Variants in DMAC2L observed in about 807,000 individuals in gnomAD.
The protein encoded by DMAC2L is distal membrane arm assembly component 2 like.
DMAC2L carries 21 observed loss-of-function variants against 22.5 expected under a neutral mutation model. The observed-to-expected ratio is 0.93, with a 90% confidence interval of 0.66 to 1.34. The LOEUF is 1.34. DMAC2L is among the 40% of genes most tolerant of loss of function. The pLI, the probability that DMAC2L is intolerant of heterozygous loss-of-function variation, is 0.00. For missense variants in DMAC2L, 239 were observed against 246.5 expected (o/e 0.97, Z 0.20); for synonymous variants, 86 against 89.5 (o/e 0.96, Z 0.22).
At chr14:50,319,280 G>T (rs748014591) in intron 2 of DMAC2L, 2 of 1,536,078 alleles carry the variant, frequency 1.3e-6, no homozygotes. Flanking sequence ...GAAGACGGCT[G>T]TAGTGAAAAA....
rs754379535 is a variant in DMAC2L at position 50,319,036 on chromosome 14, A to G, written c.-5-2447A>G. 187 of 985,348 alleles carry G rather than the reference A, an allele frequency of 1.9e-4. 1 individual carries two copies. Among genetic ancestry groups the G allele is most frequent in the Non-Finnish European group, 2.2e-4 (183 of 829,946 alleles). The allele number at this position is 985,348 out of a possible 1,614,324, so 61.0% of individuals were successfully genotyped here. ...TTTTTGAGCGAATGAATGAATGGACATGGCATTTGAGTAAGGTCTTGAGGT... is the reference window on the plus strand; with the variant it reads ...TTTTTGAGCGAATGAATGAATGGACGTGGCATTTGAGTAAGGTCTTGAGGT... On this transcript the variant is annotated intron_variant, in intron 2 of 5. Transcript: ENST00000557421.
At chr14:50,313,010 TAC>T in intron 1 of DMAC2L, 3 of 1,614,206 alleles carry the variant, frequency 1.9e-6, no homozygotes, top group East Asian at 2.2e-5. Context: ...TGAACCGAGA[TAC>T]AGTTTTAAAT....
At chr14:50,319,343 C>A (rs1421029703) in intron 2 of DMAC2L, 2 of 1,535,744 alleles carry the variant, frequency 1.3e-6, no homozygotes, top group Non-Finnish European at 1.7e-6. Flanking sequence ...CACTGTTCCA[C>A]GGCCTCAGCA....
chr14:50,312,183 G>T, upstream of DMAC2L: 1 of 1,606,158 alleles, frequency 6.2e-7, no homozygotes, highest in Non-Finnish European at 8.5e-7. Flanking sequence ...TCAGCGCTCA[G>T]AAGAAGCCAC....
At chr14:50,317,783 AG>A (rs1199028994) in intron 2 of DMAC2L, among the ~76,000 whole-genome samples, 1 of 150,178 alleles carries the variant, frequency 6.7e-6, no homozygotes. Context: ...AAAAAAAAAA[AG>A]GGGGGTGGTG....
chr14:50,312,179 C>G (rs370435252), upstream of DMAC2L: 16 of 1,607,138 alleles, frequency 1.0e-5, no homozygotes, highest in Non-Finnish European at 8.5e-7. Context: ...TCCCTCAGCG[C>G]TCAGAAGAAG....
chr14:50,312,425 C>T (rs2031309662), intron 1 of DMAC2L, 36 bp downstream of exon 1: 1 of 541,756 alleles, frequency 1.8e-6, no homozygotes, highest in Admixed American at 3.1e-5. Flanking sequence ...CCGGGCGGGA[C>T]TAGGGTGGTG....
chr14:50,323,510 C>G (rs1595216724), intron 4 of DMAC2L, among the ~76,000 whole-genome samples: 1 of 151,970 alleles, frequency 6.6e-6, no homozygotes, highest in East Asian at 1.9e-4. Context: ...TCTCCTGCCT[C>G]AGCCTCCCAA....
Position 50,322,710 on chromosome 14 carries a change from G to T in DMAC2L, c.307G>T (p.Asp103Tyr). Residue 103 changes from aspartate to tyrosine, a missense_variant, in exon 4 of 6, where the codon GAT becomes TAT. Coordinates refer to ENST00000557421, the MANE Select transcript of DMAC2L (RefSeq NM_001382507.1). ...CTCTTGTATCATGAGCATTGGATTT[G>T]ATCACATGGGTAACTACCCTATCGT... ...TDSCIMSIGF[D>Y]HMEGLEHVEK... The T allele has an allele frequency of 6.2e-7, 1 of 1,614,128 alleles. No homozygotes were observed. The highest frequency in any genetic ancestry group is 1.1e-5 in the South Asian group (1 of 91,046).
Position 50,326,006 on chromosome 14 carries a change from G to C in DMAC2L, c.*283G>C. 1.1e-6 allele frequency: 1 copy of C among 872,418 alleles called. No individual in the cohort carries two copies. Among genetic ancestry groups the C allele is most frequent in the Non-Finnish European group, 1.4e-6 (1 of 708,478 alleles). 54.0% of individuals were successfully genotyped at this position (872,418 alleles called of 1,614,324 possible). ...GCACTTTGGGAGGCCAAAGCGGGCAGATCACCTGAGGTCAGGAGTTCAAGA... is the reference window on the plus strand; with the variant it reads ...GCACTTTGGGAGGCCAAAGCGGGCACATCACCTGAGGTCAGGAGTTCAAGA... On this transcript the variant is annotated 3_prime_UTR_variant, in exon 6 of 6. Transcript: ENST00000557421.
Position 50,325,812 on chromosome 14 carries a change from T to C in DMAC2L, c.*89T>C. 1.3e-6 allele frequency: 2 copies of C among 1,481,850 alleles called. No individual in the cohort carries two copies. The highest frequency in any genetic ancestry group is 2.4e-5 in the East Asian group (1 of 41,454). 91.8% of individuals were successfully genotyped at this position (1,481,850 alleles called of 1,614,324 possible). On this transcript the variant is annotated 3_prime_UTR_variant, in exon 6 of 6. Coordinates refer to ENST00000557421, the MANE Select transcript of DMAC2L (RefSeq NM_001382507.1). Reference sequence around the variant, plus strand: ...TATTATATAGTCATCAGTAGAATTATAAGGATGCCATATCATGACATTTTA... The same window carrying C: ...TATTATATAGTCATCAGTAGAATTACAAGGATGCCATATCATGACATTTTA...
At chr14:50,319,409 C>A (rs758141041) in intron 2 of DMAC2L, 1 of 1,437,964 alleles carries the variant, frequency 7.0e-7, no homozygotes, top group East Asian at 2.5e-5. Flanking sequence ...CTTTCTAGTC[C>A]TCTTCTTTCT....
chr14:50,319,329 C>G, intron 2 of DMAC2L: 1 of 1,536,084 alleles, frequency 6.5e-7, no homozygotes, highest in Non-Finnish European at 8.7e-7. Context: ...CAGTTCACAT[C>G]TCTCACTGTT....
chr14:50,313,833 C>A (rs1400804752), intron 1 of DMAC2L, among the ~76,000 whole-genome samples: 1 of 152,128 alleles, frequency 6.6e-6, no homozygotes, highest in Non-Finnish European at 1.5e-5. Context: ...AAGGTACAGC[C>A]CAGGTCCATC....
chr14:50,319,269 TG>T (rs1271781610), intron 2 of DMAC2L: 1 of 1,536,096 alleles, frequency 6.5e-7, no homozygotes, highest in Non-Finnish European at 8.7e-7. Flanking sequence ...CTTGCAGTAA[TG>T]AAGACGGCTG....
intron 1 of DMAC2L, 148 bp downstream of exon 1, chr14:50,312,537 G>A: frequency 3.0e-6 from 1 of 331,090 alleles, no homozygotes; most frequent in Non-Finnish European, 5.6e-6. Context: ...ACATGGGGCC[G>A]TGGGAGAAAC....
chr14:50,313,356 A>G (rs1226360744), intron 1 of DMAC2L, among the ~76,000 whole-genome samples: 1 of 152,194 alleles, frequency 6.6e-6, no homozygotes, highest in African/African-American at 2.4e-5. Context: ...TCAGTGAACT[A>G]GGAATGATAG....
upstream of DMAC2L, chr14:50,312,247 G>C (rs1484959324): frequency 6.6e-7 from 1 of 1,522,390 alleles, no homozygotes; most frequent in Non-Finnish European, 8.9e-7. Context: ...CTCACGCGGG[G>C]GCCAATGAAG....
intron 1 of DMAC2L, chr14:50,312,660 C>T (rs1223985440): frequency 3.2e-5 from 9 of 279,634 alleles, no homozygotes; most frequent in Non-Finnish European, 6.1e-5. Context: ...CCAGCCGGGT[C>T]CTCGCTCGGC....
Sources: gnomAD v4.1 joint callset for allele counts (sites outside exome capture counted in the v4.1 genomes callset) on GRCh38, gnomAD v4.1.1 for gene constraint, MANE v1.5 for transcripts, NCBI Gene and HGNC (gene_info 2026-07-23, HGNC 2026-07-21) for gene names.